Variants in ST3GAL4 observed in about 807,000 individuals in gnomAD.
The protein encoded by ST3GAL4 is ST3 beta-galactoside alpha-2,3-sialyltransferase 4.
ST3GAL4 carries 24 observed loss-of-function variants against 42.6 expected under a neutral mutation model. That is an observed-to-expected ratio of 0.56 (90% confidence interval 0.41 to 0.79). The LOEUF (loss-of-function observed/expected upper bound fraction) is 0.79. ST3GAL4 is among the 30% of genes least tolerant of loss of function. ST3GAL4 has a pLI of 0.00. For synonymous variants in ST3GAL4, 135 were observed against 163.2 expected (o/e 0.83, Z 1.32); for missense variants, 311 against 430.8 (o/e 0.72, Z 2.46).
Position 126,408,241 on chromosome 11 carries a change from C to T in ST3GAL4, c.437+47C>T, listed in dbSNP as rs148911471. 1.7e-4 allele frequency: 276 copies of T among 1,612,696 alleles called. No individual in the cohort carries two copies. In the East Asian group the frequency reaches 3.9e-3, roughly 23 times the overall value. ...TACTGTTGTTTGGGAACTGGATGTC[C>T]GAGCCAGGGACTGTAGACAGGCCCA... On this transcript the variant is annotated intron_variant, in intron 7 of 10. Coordinates refer to ENST00000444328, the MANE Select transcript of ST3GAL4 (RefSeq NM_001254757.2).
chr11:126,367,390 G>A lies in ST3GAL4; in HGVS notation c.-61+11548G>A, dbSNP rs544860901. Among the ~76,000 whole-genome samples, 280 of 152,292 alleles carry A rather than the reference G, an allele frequency of 1.8e-3. 2 individuals carry two copies. The highest frequency in any genetic ancestry group is 6.3e-3 in the African/African-American group (261 of 41,568). On this transcript the variant is annotated intron_variant, in intron 1 of 10. Transcript: ENST00000444328. ...CCGTGGCAGGTCCTTTGTCACGTAT[G>A]GACCAGGAGAGGTGAGTATGATTGT...
chr11:126,406,262 G>C lies in ST3GAL4; in HGVS notation c.16+91G>C, dbSNP rs1368619308. The C allele has an allele frequency of 2.6e-6, 4 of 1,548,874 alleles. No homozygotes were observed. The Admixed American group carries it at 7.9e-5, about 30-fold the overall frequency. ...CCTGGGACCTCTGGGGGCTGTGGAG[G>C]GACAGACAGGGAGCCAGGGGCCCTT... On this transcript the variant is annotated intron_variant, in intron 2 of 10. Transcript: ENST00000444328. This position sits in a 1 kb window ranked among gnomAD's most constrained non-coding sequence, Gnocchi z 5.4.
At chr11:126,387,622 T>C (rs955565584) in intron 1 of ST3GAL4, among the ~76,000 whole-genome samples, 7 of 150,410 alleles carry the variant, frequency 4.7e-5, no homozygotes, top group Non-Finnish European at 8.8e-5. Context: ...TGCAGTGAGC[T>C]GAGATTGGGC....
At chr11:126,368,413 G>T (rs1952517284) in intron 1 of ST3GAL4, among the ~76,000 whole-genome samples, 1 of 152,232 alleles carries the variant, frequency 6.6e-6, no homozygotes, top group African/African-American at 2.4e-5. Context: ...AGGCCCTGTG[G>T]CTCCTGTTTC....
chr11:126,391,855 T>G lies in ST3GAL4; in HGVS notation c.-60-14241T>G, dbSNP rs1487265513. Among the ~76,000 whole-genome samples, 4 of 152,144 alleles carry G rather than the reference T, an allele frequency of 2.6e-5. No individual in the cohort carries two copies. Among genetic ancestry groups the G allele is most frequent in the Non-Finnish European group, 5.9e-5 (4 of 68,032 alleles). On this transcript the variant is annotated intron_variant, in intron 1 of 10. Coordinates refer to ENST00000444328, the MANE Select transcript of ST3GAL4 (RefSeq NM_001254757.2). This position sits in a 1 kb window ranked among gnomAD's most constrained non-coding sequence, Gnocchi z 5.5. ...CCCTCCAGATACAGAGTTCTTGCTC[T>G]GTGTTTGGCCCATACCTAATGTTGT...
In ST3GAL4 at chr11:126,401,979, CAGAGAATAG is replaced by C. The variant is rs557632949; in HGVS notation, c.-60-4113_-60-4105del. Among the ~76,000 whole-genome samples, 5 of 150,952 alleles carry C rather than the reference CAGAGAATAG, an allele frequency of 3.3e-5. No individual in the cohort carries two copies. The South Asian group carries it at 1.0e-3, about 31-fold the overall frequency. On this transcript the variant is annotated intron_variant, in intron 1 of 10. Coordinates refer to ENST00000444328, the MANE Select transcript of ST3GAL4 (RefSeq NM_001254757.2). ...AGGAGACTTGAGCATGTTTATAAGT[CAGAGAATAG>C]AGAAGGAGAGGTGGGAGACACAGGG... is the stretch of plus-strand genomic sequence containing the variant.
intron 1 of ST3GAL4, among the ~76,000 whole-genome samples, chr11:126,361,071 GCTGGCCACATTT>G (rs1302481528): frequency 2.6e-5 from 4 of 152,164 alleles, no homozygotes; most frequent in Non-Finnish European, 5.9e-5. Context: ...CACAGGGTCG[GCTGGCCACATTT>G]CTCTACCCAT....
intron 4 of ST3GAL4, 25 bp from the exon 5 acceptor site, chr11:126,407,227 C>A (rs374274375): frequency 6.2e-7 from 1 of 1,611,926 alleles, no homozygotes; most frequent in Non-Finnish European, 8.5e-7. Flanking sequence ...GTTCTCATCC[C>A]CACCCGGCTT....
Position 126,409,508 on chromosome 11 carries a change from C to T in ST3GAL4, c.771+97C>T. The T allele has an allele frequency of 1.3e-6, 2 of 1,533,154 alleles. No individual in the cohort carries two copies. The highest frequency in any genetic ancestry group is 1.2e-5 in the South Asian group (1 of 85,306). 95.0% of individuals were successfully genotyped at this position (1,533,154 alleles called of 1,614,324 possible). The stretch of plus-strand genomic sequence containing the variant: ...AGGAAGCCCTGGAAGGATCCCATAA[C>T]AGAGGCGGCGGTTTGCATTTTCCCT... On this transcript the variant is annotated intron_variant, in intron 9 of 10. Coordinates refer to ENST00000444328, the MANE Select transcript of ST3GAL4 (RefSeq NM_001254757.2). This position sits in a 1 kb window ranked among gnomAD's most constrained non-coding sequence, Gnocchi z 4.9.
Position 126,376,794 on chromosome 11 carries a change from G to A in ST3GAL4, c.-61+20952G>A, listed in dbSNP as rs1296151422. Reference sequence around the variant, plus strand: ...ACCAATGTAGTCACTGGGACAAAGAGTCAGGTAGATGTTGTTGTCATCATC... The same window carrying A: ...ACCAATGTAGTCACTGGGACAAAGAATCAGGTAGATGTTGTTGTCATCATC... On this transcript the variant is annotated intron_variant, in intron 1 of 10. Transcript: ENST00000444328. This position sits in a 1 kb window ranked among gnomAD's most constrained non-coding sequence, Gnocchi z 5.1. 3 of 152,248 alleles carry A rather than the reference G, an allele frequency of 2.0e-5. No homozygotes were observed. The highest frequency in any genetic ancestry group is 6.5e-5 in the Admixed American group (1 of 15,280). 9.4% of individuals were successfully genotyped at this position (152,248 alleles called of 1,614,324 possible).
At chr11:126,404,334 T>C (rs140390240) in intron 1 of ST3GAL4, among the ~76,000 whole-genome samples, 30 of 152,302 alleles carry the variant, frequency 2.0e-4, no homozygotes, top group African/African-American at 5.8e-4. Flanking sequence ...GGAGGTGTGA[T>C]CGTCCACGGT....
intron 1 of ST3GAL4, among the ~76,000 whole-genome samples, chr11:126,395,684 G>C (rs1022133561): frequency 2.6e-5 from 4 of 152,130 alleles, no homozygotes; most frequent in African/African-American, 9.7e-5. Context: ...GTTTTATGAG[G>C]GGTTTCCCTT....
At chr11:126,390,333 T>G in intron 1 of ST3GAL4, among the ~76,000 whole-genome samples, 1 of 151,958 alleles carries the variant, frequency 6.6e-6, no homozygotes, top group East Asian at 1.9e-4. Flanking sequence ...GTTTGTTTGT[T>G]TTTTTTTGCT....
intron 1 of ST3GAL4, among the ~76,000 whole-genome samples, chr11:126,374,199 C>A (rs1952751284): frequency 6.6e-6 from 1 of 151,920 alleles, no homozygotes; most frequent in South Asian, 2.1e-4. Context: ...CCCCTGTAAT[C>A]CCAGCACTTT....
Position 126,406,381 on chromosome 11 carries a change from C to T in ST3GAL4, c.17-92C>T, listed in dbSNP as rs573853432. On this transcript the variant is annotated intron_variant, in intron 2 of 10. Coordinates refer to ENST00000444328, the MANE Select transcript of ST3GAL4 (RefSeq NM_001254757.2). The surrounding 1 kb of genome is among the most constrained non-coding windows in gnomAD (Gnocchi z 5.4). ...AGACTGCTTCTGTTGAGTTAGGGGT[C>T]GGAGGGACTCAGAAGGGGGCAGGTG... 30 of 1,596,684 alleles carry T rather than the reference C, an allele frequency of 1.9e-5. No individual in the cohort carries two copies. The East Asian group carries it at 2.2e-4, about 12-fold the overall frequency.
Position 126,383,088 on chromosome 11 carries a change from A to G in ST3GAL4, c.-60-23008A>G, listed in dbSNP as rs1014027249. 6.6e-6 allele frequency among the ~76,000 whole-genome samples: 1 copy of G among 152,192 alleles called. No individual in the cohort carries two copies. Among genetic ancestry groups the G allele is most frequent in the African/African-American group, 2.4e-5 (1 of 41,444 alleles). Reference sequence around the variant, plus strand: ...CAGGGAGTGCCCTCCATGGGGCAGCAGGCTCTGCAGTACCCTCGGCCAAAT... The same window carrying G: ...CAGGGAGTGCCCTCCATGGGGCAGCGGGCTCTGCAGTACCCTCGGCCAAAT... On this transcript the variant is annotated intron_variant, in intron 1 of 10. Coordinates refer to ENST00000444328, the MANE Select transcript of ST3GAL4 (RefSeq NM_001254757.2). This position sits in a 1 kb window ranked among gnomAD's most constrained non-coding sequence, Gnocchi z 4.5.
At chr11:126,389,181 A>G (rs971241640) in intron 1 of ST3GAL4, among the ~76,000 whole-genome samples, 1 of 152,144 alleles carries the variant, frequency 6.6e-6, no homozygotes, top group African/African-American at 2.4e-5. Flanking sequence ...GAATATATTC[A>G]TCTTTCCTTG....
In ST3GAL4 at chr11:126,398,384, G is replaced by C. The variant is rs1953865711; in HGVS notation, c.-60-7712G>C. On this transcript the variant is annotated intron_variant, in intron 1 of 10. Transcript: ENST00000444328. This position sits in a 1 kb window ranked among gnomAD's most constrained non-coding sequence, Gnocchi z 4.7. Reference sequence around the variant, plus strand: ...CTTTGACTCCATGTCCTGCCTTCCAGACACACTCGGGTAGGGACTTGGGCC... The same window carrying C: ...CTTTGACTCCATGTCCTGCCTTCCACACACACTCGGGTAGGGACTTGGGCC... Among the ~76,000 whole-genome samples, 1 of 152,234 alleles carries C rather than the reference G, an allele frequency of 6.6e-6. No individual in the cohort carries two copies. The highest frequency in any genetic ancestry group is 2.4e-5 in the African/African-American group (1 of 41,468).
Position 126,383,853 on chromosome 11 carries a change from A to G in ST3GAL4, c.-60-22243A>G, listed in dbSNP as rs764816328. ...CTCCTCCCCTCGTCTTCCCTCCCTC[A>G]TGGCCCACCTTTACTCTGAGGGGGT... On this transcript the variant is annotated intron_variant, in intron 1 of 10. Coordinates refer to ENST00000444328, the MANE Select transcript of ST3GAL4 (RefSeq NM_001254757.2). This position sits in a 1 kb window ranked among gnomAD's most constrained non-coding sequence, Gnocchi z 4.5. Among the ~76,000 whole-genome samples, 2 of 152,064 alleles carry G rather than the reference A, an allele frequency of 1.3e-5. No homozygotes were observed. Among genetic ancestry groups the G allele is most frequent in the Non-Finnish European group, 2.9e-5 (2 of 67,976 alleles).
Sources: gnomAD v4.1 joint callset for allele counts (sites outside exome capture counted in the v4.1 genomes callset) on GRCh38, gnomAD v4.1.1 for gene constraint, Gnocchi (gnomAD v3.1) non-coding constraint, MANE v1.5 for transcripts, NCBI Gene and HGNC (gene_info 2026-07-23, HGNC 2026-07-21) for gene names.